NAA11: variants seen among roughly 807,000 people sequenced by gnomAD.
NAA11 encodes N-alpha-acetyltransferase 11, NatA catalytic subunit, also known as N-alpha-acetyltransferase 11.
NAA11 carries 15 observed loss-of-function variants against 16.1 expected under a neutral mutation model. The observed-to-expected ratio is 0.93, with a 90% CI of 0.62 to 1.44. The LOEUF (loss-of-function observed/expected upper bound fraction) is 1.44, where lower values mean the gene tolerates loss of function less well. Ranked by LOEUF, NAA11 falls within the 40% of genes most tolerant of loss-of-function variation. The pLI is 0.00. For missense variants in NAA11, 298 were observed against 291.3 expected (o/e 1.02, Z -0.17); for synonymous variants, 122 against 112.4 (o/e 1.09, Z -0.54).
At chr4:79,171,500 G>T in the NAA11 span, among the ~76,000 whole-genome samples, 1 of 152,080 alleles carries the variant, frequency 6.6e-6, no homozygotes, top group African/African-American at 2.4e-5. Flanking sequence ...TGCTATAGCA[G>T]CATAAAATGG....
chr4:79,188,476 T>A, the NAA11 span, among the ~76,000 whole-genome samples: 1 of 151,766 alleles, frequency 6.6e-6, no homozygotes, highest in Non-Finnish European at 1.5e-5. Context: ...TCCCAGCTAC[T>A]CCAGAGGCTG....
chr4:79,187,998 CAAAAAAAAAAAAA>C, the NAA11 span, among the ~76,000 whole-genome samples: 3 of 74,184 alleles, frequency 4.0e-5, no homozygotes, highest in Admixed American at 2.0e-4. Flanking sequence ...GACTCCGTCT[CAAAAAAAAAAAAA>C]AAAAAAAAAA....
chr4:79,251,537 C>T (rs1407374117), intron 2 of NAA11, among the ~76,000 whole-genome samples: 1 of 152,066 alleles, frequency 6.6e-6, no homozygotes, highest in Non-Finnish European at 1.5e-5. Context: ...GTGCTGATTA[C>T]CTGGGTGATG....
chr4:79,272,176 TAAAAG>T (rs60767996), intron 2 of NAA11, among the ~76,000 whole-genome samples: 67,289 of 151,250 alleles, frequency 0.44, 15,443 homozygotes, highest in Middle Eastern at 0.55. Context: ...GTTAATAAGA[TAAAAG>T]AAATGTATTT....
the NAA11 span, among the ~76,000 whole-genome samples, chr4:79,203,088 T>C: frequency 1.3e-5 from 2 of 151,664 alleles, no homozygotes; most frequent in Non-Finnish European, 3.0e-5. Context: ...TTTATTCTAA[T>C]GATGTAAGTG....
At chr4:79,194,263 T>C in the NAA11 span, among the ~76,000 whole-genome samples, 1 of 152,174 alleles carries the variant, frequency 6.6e-6, no homozygotes, top group Non-Finnish European at 1.5e-5. Context: ...TTGGGCAGTA[T>C]AGCCATTTTA....
At chr4:79,284,527 A>AT (rs1034205905) in intron 2 of NAA11, among the ~76,000 whole-genome samples, 8 of 152,094 alleles carry the variant, frequency 5.3e-5, no homozygotes, top group African/African-American at 1.9e-4. Context: ...AGCCTCTAGC[A>AT]TAACAGATTC....
At chr4:79,201,088 G>A in the NAA11 span, among the ~76,000 whole-genome samples, 2 of 150,806 alleles carry the variant, frequency 1.3e-5, no homozygotes, top group African/African-American at 2.4e-5. Flanking sequence ...TACGTTTCAT[G>A]CTATTCTTAG....
chr4:79,181,433 T>C, the NAA11 span, among the ~76,000 whole-genome samples: 3 of 152,134 alleles, frequency 2.0e-5, no homozygotes, highest in Non-Finnish European at 2.9e-5. Context: ...CTCTTGCCGC[T>C]AAGGTTTAGA....
rs1389978754 is a variant in NAA11, at chr4:79,237,559, C to T, written c.*123-11289G>A. Among the ~76,000 whole-genome samples, 4 of 152,248 alleles carry T rather than the reference C, an allele frequency of 2.6e-5. 1 individual carries two copies. The East Asian group carries it at 5.8e-4, about 22-fold the overall frequency. ...GAATTCAACGATTCAAACACTGACA[C>T]CTATCACCTTTCACTTCATTTTGAC... On this transcript the variant is annotated intron_variant and NMD_transcript_variant, in intron 2 of 2. Coordinates refer to the NAA11 transcript ENST00000511542.
chr4:79,228,824 C>T (rs776730613), intron 2 of NAA11, among the ~76,000 whole-genome samples: 1 of 151,976 alleles, frequency 6.6e-6, no homozygotes, highest in Non-Finnish European at 1.5e-5. Flanking sequence ...TAGGTAAATA[C>T]TTACTAGTAG....
the NAA11 span, among the ~76,000 whole-genome samples, chr4:79,214,848 C>A: frequency 6.6e-6 from 1 of 152,080 alleles, no homozygotes; most frequent in Non-Finnish European, 1.5e-5. Context: ...TGTCTTATTT[C>A]TCACCCTCTC....
chr4:79,293,127 CTG>C (rs1200759069), intron 2 of NAA11, among the ~76,000 whole-genome samples: 5 of 152,072 alleles, frequency 3.3e-5, no homozygotes, highest in Non-Finnish European at 5.9e-5. Context: ...TTTTTTAACA[CTG>C]TGTTTTGCAT....
intron 2 of NAA11, among the ~76,000 whole-genome samples, chr4:79,291,022 A>T (rs1019876797): frequency 6.6e-6 from 1 of 152,076 alleles, no homozygotes; most frequent in South Asian, 2.1e-4. Flanking sequence ...GCACATTCAC[A>T]TATATATATT....
chr4:79,212,439 A>G, the NAA11 span, among the ~76,000 whole-genome samples: 107,525 of 151,784 alleles, frequency 0.71, 40,624 homozygotes, highest in East Asian at 0.89. Flanking sequence ...CTAAGTGAGC[A>G]CTCAAGGCTT....
At chr4:79,184,159 A>T in the NAA11 span, among the ~76,000 whole-genome samples, 1 of 152,212 alleles carries the variant, frequency 6.6e-6, no homozygotes, top group Non-Finnish European at 1.5e-5. Context: ...CACTTTTCAA[A>T]TAAGAAATAA....
At chr4:79,315,494 G>A (rs138714946), downstream of NAA11, among the ~76,000 whole-genome samples, 152 of 152,284 alleles carry the variant, frequency 1.0e-3, no homozygotes, top group Middle Eastern at 0.017. Context: ...AGAAAACGTA[G>A]TGAGCTGATC....
At chr4:79,320,218 T>TTCAC (rs1484222843) in intron 1 of NAA11, among the ~76,000 whole-genome samples, 1 of 152,220 alleles carries the variant, frequency 6.6e-6, no homozygotes, top group Non-Finnish European at 1.5e-5. Context: ...GCTGAATGCT[T>TTCAC]TGACATTTAG....
At chr4:79,240,022 G>A (rs955724432) in intron 2 of NAA11, among the ~76,000 whole-genome samples, 1 of 152,190 alleles carries the variant, frequency 6.6e-6, no homozygotes, top group Non-Finnish European at 1.5e-5. Context: ...CCAGGAAATG[G>A]TGTCAGATTA....
Sources: gnomAD v4.1 joint callset for allele counts (sites outside exome capture counted in the v4.1 genomes callset) on GRCh38, gnomAD v4.1.1 for gene constraint, MANE v1.5 for transcripts, NCBI Gene and HGNC (gene_info 2026-07-23, HGNC 2026-07-21) for gene names.